The following MAMDC2 variants were observed in gnomAD, a reference collection of about 807,000 sequenced individuals.
The protein encoded by MAMDC2 is MAM domain containing 2, also known as MAM domain-containing protein 2.
A neutral mutation model predicts 89.8 loss-of-function variants in MAMDC2; 57 were observed. The ratio of observed to expected loss-of-function variants is 0.63; its 90% confidence interval spans 0.51 to 0.79. The LOEUF (loss-of-function observed/expected upper bound fraction) is 0.79. Among genes scored for constraint, MAMDC2 ranks in the 30% least tolerant of loss-of-function variants. MAMDC2 has a pLI of 0.00. For missense variants in MAMDC2, 800 were observed against 820.6 expected (o/e 0.97, Z 0.31); for synonymous variants, 313 against 293.4 (o/e 1.07, Z -0.68).
chr9:70,205,665 T>C (rs1037454735), intron 11 of MAMDC2, among the ~76,000 whole-genome samples: 3 of 152,184 alleles, frequency 2.0e-5, no homozygotes, highest in Non-Finnish European at 2.9e-5. Flanking sequence ...AATAGATCCA[T>C]TGGAACCCCC....
At chr9:70,109,106 A>G (rs1211370032) in intron 3 of MAMDC2, 1 of 152,426 alleles carries the variant, frequency 6.6e-6, no homozygotes, top group Non-Finnish European at 1.5e-5. Flanking sequence ...TCGGGGACAC[A>G]ATGGAGCCAT....
At chr9:70,098,421 A>C (rs937250162) in intron 2 of MAMDC2, among the ~76,000 whole-genome samples, 3 of 152,218 alleles carry the variant, frequency 2.0e-5, no homozygotes, top group African/African-American at 7.2e-5. Flanking sequence ...AGATTTGCTA[A>C]CATCCTTTTA....
At chr9:70,177,564 G>T (rs937499296) in intron 11 of MAMDC2, among the ~76,000 whole-genome samples, 2 of 152,190 alleles carry the variant, frequency 1.3e-5, no homozygotes, top group African/African-American at 4.8e-5. Flanking sequence ...CCACGTGTAG[G>T]CACTGCGCTA....
chr9:70,102,361 A>G (rs970336537), intron 2 of MAMDC2, among the ~76,000 whole-genome samples: 9 of 152,206 alleles, frequency 5.9e-5, no homozygotes. Context: ...TTCGGCATTC[A>G]TTAGCTAACA....
chr9:70,073,881 A>T (rs1473738847), intron 2 of MAMDC2, among the ~76,000 whole-genome samples: 3 of 152,188 alleles, frequency 2.0e-5, no homozygotes. Context: ...GATTACTTCA[A>T]CATGTAAACA....
At chr9:70,101,098 T>C (rs1828178215) in intron 2 of MAMDC2, among the ~76,000 whole-genome samples, 1 of 152,214 alleles carries the variant, frequency 6.6e-6, no homozygotes, top group Non-Finnish European at 1.5e-5. Flanking sequence ...TGATCCTGTA[T>C]AGGCCCTAGG....
At chr9:70,209,720 T>C (rs987537230) in intron 11 of MAMDC2, among the ~76,000 whole-genome samples, 10 of 152,226 alleles carry the variant, frequency 6.6e-5, no homozygotes, top group African/African-American at 1.2e-4. Flanking sequence ...ATTTTAATTG[T>C]GATGTTAGGG....
chr9:70,179,942 T>C (rs2032601401), intron 11 of MAMDC2, among the ~76,000 whole-genome samples: 1 of 151,530 alleles, frequency 6.6e-6, no homozygotes, highest in Non-Finnish European at 1.5e-5. Context: ...CAGGTATACA[T>C]GTGTGATGGT....
intron 4 of MAMDC2, 65 bp downstream of exon 4, chr9:70,109,869 A>G: frequency 7.5e-7 from 1 of 1,340,020 alleles, no homozygotes; most frequent in East Asian, 2.3e-5. Context: ...CTGTTGCCAG[A>G]GGGAACTGAA....
rs145904185 is a variant in MAMDC2 at position 70,109,905 on chromosome 9, T to C, written c.505+101T>C. Reference sequence around the variant, plus strand: ...TCAATCCTAAAGACCAACTATTTTATAGAATGCACTGCATAATGCATACTG... The same window carrying C: ...TCAATCCTAAAGACCAACTATTTTACAGAATGCACTGCATAATGCATACTG... On this transcript the variant is annotated intron_variant, in intron 4 of 13. Transcript: ENST00000377182. 3.0e-3 allele frequency: 2,677 copies of C among 882,244 alleles called. 10 individuals carry two copies. The highest frequency in any genetic ancestry group is 4.4e-3 in the Non-Finnish European group (2,332 of 525,424). 54.7% of individuals were successfully genotyped at this position (882,244 alleles called of 1,614,324 possible).
At chr9:70,107,156 C>T (rs1383569367) in intron 2 of MAMDC2, among the ~76,000 whole-genome samples, 1 of 149,880 alleles carries the variant, frequency 6.7e-6, no homozygotes, top group Non-Finnish European at 1.5e-5. Context: ...CCCAGGAGGT[C>T]CCCAAAGACC....
At chr9:70,131,377 T>A in intron 6 of MAMDC2, 142 bp from the exon 7 acceptor site, 1 of 607,076 alleles carries the variant, frequency 1.6e-6, no homozygotes, top group Non-Finnish European at 2.9e-6. Context: ...CTGCCCAAAC[T>A]CATATTTGGA....
At chr9:70,198,974 CTG>C (rs1486814201) in intron 11 of MAMDC2, among the ~76,000 whole-genome samples, 1 of 152,018 alleles carries the variant, frequency 6.6e-6, no homozygotes, top group Non-Finnish European at 1.5e-5. Flanking sequence ...TCCAGTGAGT[CTG>C]TAACTATCTG....
At chr9:70,208,617 C>A (rs1476199999) in intron 11 of MAMDC2, among the ~76,000 whole-genome samples, 1 of 152,138 alleles carries the variant, frequency 6.6e-6, no homozygotes, top group Non-Finnish European at 1.5e-5. Context: ...TAACTTAATA[C>A]CCTTTATTTC....
intron 11 of MAMDC2, among the ~76,000 whole-genome samples, chr9:70,185,678 T>G (rs181122446): frequency 7.3e-4 from 111 of 152,316 alleles, no homozygotes; most frequent in African/African-American, 2.5e-3. Flanking sequence ...TCCTTAGCAC[T>G]GTCCGGGAAA....
At chr9:70,093,592 A>T (rs900298049) in intron 2 of MAMDC2, among the ~76,000 whole-genome samples, 28 of 145,092 alleles carry the variant, frequency 1.9e-4, no homozygotes, top group Middle Eastern at 3.6e-3. Context: ...TGCCCGGCTA[A>T]TTTTTTTTTT....
At chr9:70,162,164 A>G (rs1232441927) in intron 9 of MAMDC2, among the ~76,000 whole-genome samples, 1 of 152,212 alleles carries the variant, frequency 6.6e-6, no homozygotes, top group Non-Finnish European at 1.5e-5. Flanking sequence ...CTAGTCTACC[A>G]TGTCTATCAA....
intron 2 of MAMDC2, among the ~76,000 whole-genome samples, chr9:70,101,045 A>G (rs2997702): frequency 0.064 from 9,749 of 152,272 alleles, 991 homozygotes; most frequent in African/African-American, 0.21. Flanking sequence ...ATAACATAAT[A>G]AAACTGAAAA....
chr9:70,044,142 T>A lies in MAMDC2; in HGVS notation c.-56T>A. The A allele has an allele frequency of 1.2e-6, 2 of 1,601,314 alleles. No homozygotes were observed. The highest frequency in any genetic ancestry group is 1.7e-6 in the Non-Finnish European group (2 of 1,169,460). ...GATCCCTTTCACTAGGAGCAGCCAG[T>A]CCCAGCGGGCTGGCAACTTGCACCC... On this transcript the variant is annotated 5_prime_UTR_variant, in exon 1 of 14. Coordinates refer to ENST00000377182, the MANE Select transcript of MAMDC2 (RefSeq NM_153267.5).
Sources: allele counts gnomAD v4.1 joint callset (sites outside exome capture counted in the v4.1 genomes callset), GRCh38; gene constraint gnomAD v4.1.1; transcripts MANE v1.5; gene names NCBI Gene and HGNC (gene_info 2026-07-23, HGNC 2026-07-21).